PDE1A: variants seen among roughly 807,000 people sequenced by gnomAD.
The protein encoded by PDE1A is dual specificity calcium/calmodulin-dependent 3',5'-cyclic nucleotide phosphodiesterase 1A.
Under a neutral mutation model 61.7 loss-of-function variants are expected in PDE1A, and 35 were observed. That is an observed-to-expected ratio of 0.57 (90% CI 0.43 to 0.75). The LOEUF is 0.75. Ranked by LOEUF, PDE1A falls within the 30% of genes least tolerant of loss-of-function variation. The pLI, the probability that PDE1A is intolerant of heterozygous loss-of-function variation, is 0.00. For missense variants in PDE1A, 597 were observed against 630.6 expected (o/e 0.95, Z 0.57); for synonymous variants, 232 against 213.2 (o/e 1.09, Z -0.77).
chr2:182,207,229 C>G (rs1452271948), intron 7 of PDE1A, among the ~76,000 whole-genome samples: 2 of 152,142 alleles, frequency 1.3e-5, no homozygotes, highest in African/African-American at 2.4e-5. Flanking sequence ...GATAGTGATA[C>G]AGACAGTGAA....
chr2:182,570,607 G>A, the PDE1A span, among the ~76,000 whole-genome samples: 10 of 152,172 alleles, frequency 6.6e-5, no homozygotes, highest in Admixed American at 2.0e-4. Flanking sequence ...ATAAAAGAAA[G>A]GCCTGGCATC....
chr2:182,517,882 A>G (rs1690308155), intron 2 of PDE1A, among the ~76,000 whole-genome samples: 1 of 152,160 alleles, frequency 6.6e-6, no homozygotes, highest in South Asian at 2.1e-4. Flanking sequence ...GCAACTCCAA[A>G]AGCTTCGTAT....
Position 182,294,307 on chromosome 2 carries a change from T to A in PDE1A, c.54-29893A>T, listed in dbSNP as rs537242303. 1.8e-3 allele frequency among the ~76,000 whole-genome samples: 271 copies of A among 152,342 alleles called. 1 individual carries two copies. The highest frequency in any genetic ancestry group is 6.4e-3 in the African/African-American group (265 of 41,586). On this transcript the variant is annotated intron_variant, in intron 1 of 13. Coordinates refer to ENST00000351439, the Ensembl canonical transcript of PDE1A. ...GCAATTAATCTGGGCTCATTAATGA[T>A]AATTTTTCAAAATAACATTGGCTTA...
chr2:182,496,060 T>G (rs1688694603), intron 2 of PDE1A, among the ~76,000 whole-genome samples: 1 of 152,234 alleles, frequency 6.6e-6, no homozygotes, highest in Non-Finnish European at 1.5e-5. Context: ...AATTTTATAA[T>G]GTACCCCCAA....
At chr2:182,351,654 G>A (rs1231524581) in intron 1 of PDE1A, among the ~76,000 whole-genome samples, 2 of 152,176 alleles carry the variant, frequency 1.3e-5, no homozygotes, top group Non-Finnish European at 2.9e-5. Context: ...TGTTTCAAGT[G>A]TCAGCGTTGG....
At chr2:182,618,398 T>C in the PDE1A span, among the ~76,000 whole-genome samples, 1 of 152,184 alleles carries the variant, frequency 6.6e-6, no homozygotes, top group Non-Finnish European at 1.5e-5. Flanking sequence ...ATTAAGAATG[T>C]AGAATTAATT....
chr2:182,442,627 T>C (rs1684867322), intron 2 of PDE1A, among the ~76,000 whole-genome samples: 1 of 152,062 alleles, frequency 6.6e-6, no homozygotes, highest in East Asian at 1.9e-4. Context: ...TATACATGAA[T>C]AAAGAGAATA....
intron 2 of PDE1A, among the ~76,000 whole-genome samples, chr2:182,512,811 C>T (rs1689889404): frequency 6.6e-6 from 1 of 152,138 alleles, no homozygotes; most frequent in Admixed American, 6.6e-5. Context: ...AATACGATCA[C>T]AAGTATTAAT....
At chr2:182,666,137 G>C in the PDE1A span, among the ~76,000 whole-genome samples, 54 of 152,198 alleles carry the variant, frequency 3.5e-4, 2 homozygotes, top group East Asian at 0.01. Context: ...GGGTTGATAG[G>C]TGCAGCAAAC....
chr2:182,707,545 CA>C, the PDE1A span, among the ~76,000 whole-genome samples: 1 of 143,596 alleles, frequency 7.0e-6, no homozygotes, highest in Non-Finnish European at 1.5e-5. Context: ...ATGAAATAGA[CA>C]AATTTCTTAA....
chr2:182,159,420 T>C (rs1050385546), intron 13 of PDE1A, among the ~76,000 whole-genome samples: 1 of 152,184 alleles, frequency 6.6e-6, no homozygotes. Context: ...ATAAACTTTA[T>C]AGACTATCTT....
intron 1 of PDE1A, among the ~76,000 whole-genome samples, chr2:182,401,983 C>G (rs1300070028): frequency 6.6e-6 from 1 of 152,020 alleles, no homozygotes; most frequent in African/African-American, 2.4e-5. Context: ...AGAAGGACCT[C>G]TCAAGGAGAG....
chr2:182,372,014 T>C (rs1700151022), intron 1 of PDE1A, among the ~76,000 whole-genome samples: 1 of 152,202 alleles, frequency 6.6e-6, no homozygotes, highest in Non-Finnish European at 1.5e-5. Flanking sequence ...CAAGCTGATC[T>C]CAAACTCCTG....
At chr2:182,450,598 G>C (rs75265531) in intron 2 of PDE1A, among the ~76,000 whole-genome samples, 41 of 150,684 alleles carry the variant, frequency 2.7e-4, no homozygotes, top group Non-Finnish European at 5.6e-4. Flanking sequence ...AAAATTCCCT[G>C]CAGTTTGATT....
intron 1 of PDE1A, among the ~76,000 whole-genome samples, chr2:182,325,171 A>G (rs1003296951): frequency 6.6e-6 from 1 of 152,226 alleles, no homozygotes; most frequent in South Asian, 2.1e-4. Flanking sequence ...ATAGGAAGAT[A>G]TAAGTCTCAA....
intron 1 of PDE1A, among the ~76,000 whole-genome samples, chr2:182,328,874 C>T (rs1697220567): frequency 6.6e-6 from 1 of 152,126 alleles, no homozygotes; most frequent in East Asian, 1.9e-4. Context: ...TGGTGTTGGA[C>T]AGCAACTCAT....
the PDE1A span, among the ~76,000 whole-genome samples, chr2:182,694,296 T>G: frequency 2.6e-5 from 4 of 152,350 alleles, no homozygotes; most frequent in Admixed American, 6.5e-5. Flanking sequence ...ATGTATGGGT[T>G]TGTTTCTGGG....
At chr2:182,149,724 A>G (rs1690678544) in intron 13 of PDE1A, among the ~76,000 whole-genome samples, 1 of 152,190 alleles carries the variant, frequency 6.6e-6, no homozygotes, top group African/African-American at 2.4e-5. Flanking sequence ...TAAAGAGGAA[A>G]CAATTTGCAT....
rs150322663 is a variant in PDE1A at position 182,182,624 on chromosome 2, C to T, written c.1516+3268G>A. On this transcript the variant is annotated intron_variant, in intron 13 of 13. Coordinates refer to ENST00000351439, the Ensembl canonical transcript of PDE1A. Reference sequence around the variant, plus strand: ...TCTACATTTGGTTTCCTGTCTTTCTCGGGCCAAAACCAAAGGTCAGGCACC... The same window carrying T: ...TCTACATTTGGTTTCCTGTCTTTCTTGGGCCAAAACCAAAGGTCAGGCACC... Among the ~76,000 whole-genome samples the T allele has an allele frequency of 9.9e-5, 15 of 152,164 alleles. No individual in the cohort carries two copies. The East Asian group carries it at 1.9e-3, about 20-fold the overall frequency.
Sources: allele counts gnomAD v4.1 joint callset (sites outside exome capture counted in the v4.1 genomes callset), GRCh38; gene constraint gnomAD v4.1.1; transcripts MANE v1.5; gene names NCBI Gene and HGNC (gene_info 2026-07-23, HGNC 2026-07-21).